SEMA3A: variants seen among roughly 807,000 people sequenced by gnomAD.
The protein encoded by SEMA3A is semaphorin 3A.
Under a neutral mutation model 97.9 loss-of-function variants are expected in SEMA3A, and 29 were observed. The ratio of observed to expected loss-of-function variants is 0.30; its 90% confidence interval spans 0.22 to 0.40. SEMA3A has a LOEUF of 0.40. Ranked by LOEUF, SEMA3A falls within the 10% of genes least tolerant of loss-of-function variation. The pLI is 1.00. For missense variants in SEMA3A, 763 were observed against 951.3 expected (o/e 0.80, Z 2.60); for synonymous variants, 321 against 323.7 (o/e 0.99, Z 0.09).
At chr7:84,454,436 G>C (rs1297040852) in intron 1 of SEMA3A, among the ~76,000 whole-genome samples, 1 of 152,086 alleles carries the variant, frequency 6.6e-6, no homozygotes, top group African/African-American at 2.4e-5. Flanking sequence ...TAGAGGAGCT[G>C]AGTAACCAGT....
intron 1 of SEMA3A, among the ~76,000 whole-genome samples, chr7:84,442,955 C>A (rs1388223535): frequency 1.3e-5 from 2 of 151,608 alleles, no homozygotes; most frequent in African/African-American, 2.4e-5. Flanking sequence ...CAATAGGAGG[C>A]CATCAAAATA....
chr7:84,101,196 G>A (rs1794949891), intron 4 of SEMA3A, among the ~76,000 whole-genome samples: 2 of 152,074 alleles, frequency 1.3e-5, no homozygotes, highest in South Asian at 4.1e-4. Flanking sequence ...GCATGTGTAT[G>A]CTTTTACAGC....
intron 1 of SEMA3A, among the ~76,000 whole-genome samples, chr7:84,411,946 T>C (rs1804280569): frequency 6.6e-6 from 1 of 152,154 alleles, no homozygotes; most frequent in East Asian, 1.9e-4. Flanking sequence ...TCTTTTGTGG[T>C]TCTTCCTTGA....
intron 1 of SEMA3A, among the ~76,000 whole-genome samples, chr7:84,423,294 C>G (rs939360732): frequency 6.6e-6 from 1 of 152,016 alleles, no homozygotes; most frequent in Non-Finnish European, 1.5e-5. Context: ...TTCAAGTGGT[C>G]TCTCCACCTC....
chr7:84,301,057 T>C (rs1007378406), intron 3 of SEMA3A, among the ~76,000 whole-genome samples: 6 of 152,028 alleles, frequency 3.9e-5, no homozygotes. Flanking sequence ...CAATAAAAAT[T>C]CAGGAGATGT....
intron 1 of SEMA3A, among the ~76,000 whole-genome samples, chr7:84,390,749 T>TAAA (rs1803548580): frequency 6.6e-6 from 1 of 152,100 alleles, no homozygotes; most frequent in Non-Finnish European, 1.5e-5. Flanking sequence ...AGACTCTTAT[T>TAAA]AAGATTTAGT....
At chr7:84,455,572 T>C (rs747467281) in intron 1 of SEMA3A, among the ~76,000 whole-genome samples, 20 of 151,968 alleles carry the variant, frequency 1.3e-4, no homozygotes, top group Middle Eastern at 3.2e-3. Flanking sequence ...ATATCAACAG[T>C]TGGCAAACTC....
intron 3 of SEMA3A, among the ~76,000 whole-genome samples, chr7:84,305,089 C>A (rs1235389915): frequency 6.6e-6 from 1 of 151,796 alleles, no homozygotes; most frequent in Non-Finnish European, 1.5e-5. Flanking sequence ...ATGGATCTTG[C>A]TATGTAGGCA....
At chr7:84,252,081 G>A (rs941731381) in intron 3 of SEMA3A, among the ~76,000 whole-genome samples, 8 of 152,096 alleles carry the variant, frequency 5.3e-5, no homozygotes, top group Admixed American at 4.6e-4. Context: ...ATACTCATCC[G>A]AATCCAGCAA....
intron 1 of SEMA3A, among the ~76,000 whole-genome samples, chr7:84,137,689 T>TAAA (rs58880773): frequency 1.1e-4 from 9 of 85,256 alleles, no homozygotes; most frequent in African/African-American, 2.2e-4. Context: ...GGCCAAACTT[T>TAAA]AAAAAAAAAA....
chr7:84,320,582 C>A (rs1292635859), intron 2 of SEMA3A, among the ~76,000 whole-genome samples: 1 of 151,892 alleles, frequency 6.6e-6, no homozygotes, highest in African/African-American at 2.4e-5. Context: ...GCAAAATAAA[C>A]GAACAGTTTA....
intron 15 of SEMA3A, among the ~76,000 whole-genome samples, chr7:83,963,715 G>A (rs1049550785): frequency 6.6e-6 from 1 of 152,088 alleles, no homozygotes; most frequent in Non-Finnish European, 1.5e-5. Context: ...GGGCCAGTTT[G>A]TATTATATTA....
intron 5 of SEMA3A, among the ~76,000 whole-genome samples, chr7:84,049,539 G>A (rs1046449351): frequency 1.3e-5 from 2 of 151,804 alleles, no homozygotes; most frequent in African/African-American, 4.8e-5. Context: ...TACATTCTGT[G>A]GCTTTGTGAA....
intron 1 of SEMA3A, among the ~76,000 whole-genome samples, chr7:84,161,677 A>G (rs567862658): frequency 6.6e-6 from 1 of 152,128 alleles, no homozygotes; most frequent in Non-Finnish European, 1.5e-5. Flanking sequence ...CTAGATCTTT[A>G]TGGTCTAATT....
chr7:84,069,540 T>C (rs766068776), intron 4 of SEMA3A, among the ~76,000 whole-genome samples: 2 of 152,122 alleles, frequency 1.3e-5, no homozygotes, highest in African/African-American at 4.8e-5. Flanking sequence ...TCTGTAAATA[T>C]TTTGACCTTT....
chr7:84,084,327 A>C (rs1794260434), intron 4 of SEMA3A, among the ~76,000 whole-genome samples: 1 of 152,202 alleles, frequency 6.6e-6, no homozygotes. Flanking sequence ...ATGGTCAAAT[A>C]GTTATAACAA....
chr7:84,450,081 C>A (rs1418772618), intron 1 of SEMA3A, among the ~76,000 whole-genome samples: 1 of 152,038 alleles, frequency 6.6e-6, no homozygotes, highest in Non-Finnish European at 1.5e-5. Flanking sequence ...GACTTCAATT[C>A]TTTTGGATAA....
chr7:84,378,928 T>G (rs201466352), intron 1 of SEMA3A, among the ~76,000 whole-genome samples: 1 of 145,980 alleles, frequency 6.9e-6, no homozygotes, highest in African/African-American at 2.5e-5. Context: ...TTGTTGTTGT[T>G]TTGTTTTGTT....
intron 1 of SEMA3A, among the ~76,000 whole-genome samples, chr7:84,476,153 G>A (rs1191637836): frequency 2.0e-5 from 3 of 151,880 alleles, no homozygotes; most frequent in East Asian, 1.9e-4. Context: ...TCAGGAGTTC[G>A]AGAGCAGCCT....
Sources: allele counts gnomAD v4.1 joint callset (sites outside exome capture counted in the v4.1 genomes callset), GRCh38; gene constraint gnomAD v4.1.1; transcripts MANE v1.5; gene names NCBI Gene and HGNC (gene_info 2026-07-23, HGNC 2026-07-21).